ANKRD16: variants seen among roughly 807,000 people sequenced by gnomAD.
The protein encoded by ANKRD16 is ankyrin repeat domain 16, also known as ankyrin repeat domain-containing protein 16.
A neutral mutation model predicts 37.9 loss-of-function variants in ANKRD16; 35 were observed. The observed-to-expected ratio is 0.92, with a 90% confidence interval of 0.71 to 1.23. The LOEUF is 1.23. Among genes scored for constraint, ANKRD16 ranks in the 50% most tolerant of loss-of-function variants. ANKRD16 has a pLI of 0.00. For synonymous variants in ANKRD16, 206 were observed against 197.2 expected, an observed-to-expected ratio of 1.04 and a Z score of -0.37; for missense variants, 480 against 469.9, an observed-to-expected ratio of 1.02 and a Z score of -0.20.
At chr10:5,884,197 C>A (rs1842374022) in intron 3 of ANKRD16, 120 bp from the exon 4 acceptor site, 2 of 698,646 alleles carry the variant, frequency 2.9e-6, no homozygotes, top group African/African-American at 1.8e-5. Context: ...GAGCATGGAG[C>A]TCTCTCTATT....
Position 5,878,014 on chromosome 10 carries a change from G to A in ANKRD16, c.*33+83C>T, listed in dbSNP as rs1434259534. ...GTGGAACATGCAGGATGAGGGAAGG[G>A]AGGAAGTGGAGGAGATGGAAAACTG... On this transcript the variant is annotated intron_variant, in intron 7 of 7. Coordinates refer to ENST00000380094, the MANE Select transcript of ANKRD16 (RefSeq NM_019046.3). The surrounding 1 kb of genome is among the most constrained non-coding windows in gnomAD (Gnocchi z 5.1). 9.3e-6 allele frequency: 13 copies of A among 1,403,542 alleles called. No homozygotes were observed. Among genetic ancestry groups the A allele is most frequent in the Non-Finnish European group, 1.3e-5 (13 of 1,028,340 alleles). 86.9% of individuals were successfully genotyped at this position (1,403,542 alleles called of 1,614,324 possible).
At chr10:5,872,817 A>G (rs974186091) in intron 7 of ANKRD16, among the ~76,000 whole-genome samples, 6 of 151,368 alleles carry the variant, frequency 4.0e-5, no homozygotes, top group South Asian at 4.2e-4. Flanking sequence ...TGGCCTCCCA[A>G]AGTGCTGGCA....
At position 5,862,504 on chromosome 10, in the gene ANKRD16, C is replaced by G; in HGVS notation, c.*221G>C. On this transcript the variant is annotated 3_prime_UTR_variant, in exon 8 of 8. Transcript: ENST00000380094. This position sits in a 1 kb window ranked among gnomAD's most constrained non-coding sequence, Gnocchi z 6.5. Reference sequence around the variant, plus strand: ...TTTGGAGACAGACCCAGGGAGCTGACCTTGGGGGCCAGTGCAGATGTGGCA... The same window carrying G: ...TTTGGAGACAGACCCAGGGAGCTGAGCTTGGGGGCCAGTGCAGATGTGGCA... The G allele has an allele frequency of 1.1e-6, 1 of 873,500 alleles. No homozygotes were observed. The highest frequency in any genetic ancestry group is 1.6e-6 in the Non-Finnish European group (1 of 618,342). The allele number at this position is 873,500 out of a possible 1,614,324, so 54.1% of individuals were successfully genotyped here.
rs142550140 is a variant in ANKRD16 at position 5,871,303 on chromosome 10, C to T, written c.*33+6794G>A. On this transcript the variant is annotated intron_variant, in intron 7 of 7. Coordinates refer to ENST00000380094, the MANE Select transcript of ANKRD16 (RefSeq NM_019046.3). The surrounding 1 kb of genome is among the most constrained non-coding windows in gnomAD (Gnocchi z 4.5). ...TCAGGAGGCTGAGGCAGGAGAATCG[C>T]TTGAACCCGGGAGGCAGAGGTTGCT... Among the ~76,000 whole-genome samples, 1,222 of 152,216 alleles carry T rather than the reference C, an allele frequency of 8.0e-3. 7 individuals carry two copies. Among genetic ancestry groups the T allele is most frequent in the African/African-American group, 0.027 (1,101 of 41,510 alleles).
At chr10:5,888,989 TACG>T in intron 1 of ANKRD16, 49 bp downstream of exon 1, 1 of 1,465,436 alleles carries the variant, frequency 6.8e-7, no homozygotes, top group Non-Finnish European at 9.0e-7. Context: ...GGGAACTCGC[TACG>T]ACTCTGCGAG....
chr10:5,886,518 G>A (rs1842425788), intron 2 of ANKRD16, among the ~76,000 whole-genome samples: 1 of 152,154 alleles, frequency 6.6e-6, no homozygotes, highest in Admixed American at 6.6e-5. Context: ...TTGAACCTGC[G>A]AGGCAGAGGT....
rs1356464260 is a variant in ANKRD16, at chr10:5,861,718, A to T, written c.*1007T>A. 1 of 151,534 alleles carries T rather than the reference A, an allele frequency of 6.6e-6. No individual in the cohort carries two copies. The highest frequency in any genetic ancestry group is 1.5e-5 in the Non-Finnish European group (1 of 67,976). 9.4% of individuals were successfully genotyped at this position (151,534 alleles called of 1,614,324 possible). Reference sequence around the variant, plus strand: ...ACATTTATTATTTACTACACATCAGACACGGTGTTAAGTGGCTTAGATGAA... The same window carrying T: ...ACATTTATTATTTACTACACATCAGTCACGGTGTTAAGTGGCTTAGATGAA... On this transcript the variant is annotated 3_prime_UTR_variant, in exon 8 of 8. Transcript: ENST00000380094.
Position 5,888,065 on chromosome 10 carries a change from GTCC to G in ANKRD16, c.315-1_316del. ...CCTTGTGCAGGCCATCATCAGAGGA[GTCC>G]TAAGGCCAACCAGGAGAAGCTGTCA... On this transcript the variant is annotated splice_acceptor_variant and coding_sequence_variant, in exon 2 of 8. Transcript: ENST00000380094. LOFTEE classifies it high-confidence loss of function. 1 of 1,613,608 alleles carries G rather than the reference GTCC, an allele frequency of 6.2e-7. No homozygotes were observed. Among genetic ancestry groups the G allele is most frequent in the Non-Finnish European group, 8.5e-7 (1 of 1,179,582 alleles).
intron 7 of ANKRD16, among the ~76,000 whole-genome samples, chr10:5,867,513 G>C (rs1320326783): frequency 6.6e-6 from 1 of 152,186 alleles, no homozygotes; most frequent in South Asian, 2.1e-4. Context: ...TGGACTGAAC[G>C]AGGTTTTATT....
chr10:5,873,330 C>T (rs1206272450), intron 7 of ANKRD16, among the ~76,000 whole-genome samples: 2 of 152,060 alleles, frequency 1.3e-5, no homozygotes, highest in African/African-American at 4.8e-5. Flanking sequence ...GTCCCCAGCA[C>T]GCCTGGACAA....
At chr10:5,888,501 A>G (rs1189615391) in intron 1 of ANKRD16, among the ~76,000 whole-genome samples, 2 of 152,236 alleles carry the variant, frequency 1.3e-5, no homozygotes, top group Non-Finnish European at 2.9e-5. Flanking sequence ...ATCAGTGTCA[A>G]TCTAACAAAC....
rs1243563256 is a variant in ANKRD16, at chr10:5,871,075, G to A, written c.*33+7022C>T. Among the ~76,000 whole-genome samples the A allele has an allele frequency of 6.6e-6, 1 of 152,148 alleles. No homozygotes were observed. Among genetic ancestry groups the A allele is most frequent in the Non-Finnish European group, 1.5e-5 (1 of 68,018 alleles). On this transcript the variant is annotated intron_variant, in intron 7 of 7. Transcript: ENST00000380094. This position sits in a 1 kb window ranked among gnomAD's most constrained non-coding sequence, Gnocchi z 4.5. Reference sequence around the variant, plus strand: ...AGAGGCCAGCCCTCACTCCCATCTTGTTTCCTTCTCAGTAAAAATCATGTC... The same window carrying A: ...AGAGGCCAGCCCTCACTCCCATCTTATTTCCTTCTCAGTAAAAATCATGTC...
rs368134353 is a variant in ANKRD16, at chr10:5,889,074, C to T, written c.281G>A (p.Gly94Glu). 6 of 1,564,568 alleles carry T rather than the reference C, an allele frequency of 3.8e-6. No homozygotes were observed. The highest frequency in any genetic ancestry group is 3.7e-5 in the Admixed American group (2 of 53,512). Reference protein sequence around the residue: ...RDCVRYLLGRGAAVDCLKKAD... With the variant: ...RDCVRYLLGREAAVDCLKKAD... ...CTTCTTCAGGCAGTCGACCGCTGCCCCCCGGCCCAGCAGGTAGCGCACGCA... is the reference window on the plus strand; with the variant it reads ...CTTCTTCAGGCAGTCGACCGCTGCCTCCCGGCCCAGCAGGTAGCGCACGCA... The change falls in exon 1 of 8, where the codon GGG becomes GAG. Residue 94 changes from glycine (G) to glutamate (E), a missense_variant. Transcript: ENST00000380094.
Position 5,885,753 on chromosome 10 carries a change from T to C in ANKRD16, c.548A>G (p.His183Arg), listed in dbSNP as rs1172893151. 1.2e-6 allele frequency: 2 copies of C among 1,604,886 alleles called. No homozygotes were observed. Among genetic ancestry groups the C allele is most frequent in the South Asian group, 1.1e-5 (1 of 88,394 alleles). Residue 183 changes from histidine (H) to arginine (R), a missense_variant, in exon 3 of 8, where the codon CAT (histidine) becomes CGT (arginine). Coordinates refer to ENST00000380094, the MANE Select transcript of ANKRD16 (RefSeq NM_019046.3). ...TPLHTAAMHG[H>R]LEAVKVLLKR... ...AAGAAGCACCTTGACTGCCTCCAAATGGCCATGCATTGCTGGGAGGAGAAA... is the reference window on the plus strand; with the variant it reads ...AAGAAGCACCTTGACTGCCTCCAAACGGCCATGCATTGCTGGGAGGAGAAA...
At chr10:5,877,960 C>T in intron 7 of ANKRD16, 137 bp downstream of exon 7, 2 of 908,940 alleles carry the variant, frequency 2.2e-6, no homozygotes, top group East Asian at 2.6e-5. Context: ...GAACTCAGCC[C>T]CCTGATCACT....
Position 5,889,272 on chromosome 10 carries a change from G to T in ANKRD16, c.83C>A (p.Ala28Glu). 1 of 1,453,376 alleles carries T rather than the reference G, an allele frequency of 6.9e-7. No individual in the cohort carries two copies. Among genetic ancestry groups the T allele is most frequent in the Non-Finnish European group, 9.0e-7 (1 of 1,110,298 alleles). The allele number at this position is 1,453,376 out of a possible 1,614,324, so 90.0% of individuals were successfully genotyped here. Residue 28 changes from alanine (A) to glutamate (E), a missense_variant, in exon 1 of 8, where the codon GCG becomes GAG. Ala to Glu is a moderately radical substitution (Grantham distance 107, BLOSUM62 -1). Transcript: ENST00000380094. The part of the protein sequence containing the change: ...RLRALKEELQ[A>E]AGGCPGPAGD... ...GGCCGGCCCCGGGCAGCCCCCGGCC[G>T]CCTGCAGCTCCTCCTTCAGGGCGCG...
At position 5,863,665 on chromosome 10, in the gene ANKRD16, A is replaced by G. The variant is rs1203771500; in HGVS notation, c.*34-974T>C. 1.3e-5 allele frequency among the ~76,000 whole-genome samples: 2 copies of G among 151,974 alleles called. No homozygotes were observed. Among genetic ancestry groups the G allele is most frequent in the African/African-American group, 4.8e-5 (2 of 41,318 alleles). On this transcript the variant is annotated intron_variant, in intron 7 of 7. Coordinates refer to ENST00000380094, the MANE Select transcript of ANKRD16 (RefSeq NM_019046.3). This position sits in a 1 kb window ranked among gnomAD's most constrained non-coding sequence, Gnocchi z 4.7. ...TTTGTTCTTTTGTTCTTCATAATAA[A>G]TCTTGCTGCTGCTCATTCTTTGGGT...
chr10:5,889,444 C>T lies in ANKRD16; in HGVS notation c.-90G>A, dbSNP rs1356460495. On this transcript the variant is annotated 5_prime_UTR_variant, in exon 1 of 8. Coordinates refer to ENST00000380094, the MANE Select transcript of ANKRD16 (RefSeq NM_019046.3). Reference sequence around the variant, plus strand: ...GAAGCCGAGGGCGAGTGGGACTTTCCGCCTCTTCACGCAACCTGCCCCGCG... The same window carrying T: ...GAAGCCGAGGGCGAGTGGGACTTTCTGCCTCTTCACGCAACCTGCCCCGCG... 2 of 937,292 alleles carry T rather than the reference C, an allele frequency of 2.1e-6. No individual in the cohort carries two copies. Among genetic ancestry groups the T allele is most frequent in the South Asian group, 1.1e-4 (2 of 18,986 alleles). The allele number at this position is 937,292 out of a possible 1,614,324, so 58.1% of individuals were successfully genotyped here. A position where few individuals can be genotyped will look rare whatever the true frequency, so the allele number is the denominator to read the frequency against.
chr10:5,888,918 G>A (rs948836999), intron 1 of ANKRD16, 123 bp downstream of exon 1: 24 of 1,120,798 alleles, frequency 2.1e-5, no homozygotes, highest in Non-Finnish European at 2.7e-5. Context: ...CGCTGAGCAG[G>A]CCTGGGGTGA....
Sources: allele counts gnomAD v4.1 joint callset (sites outside exome capture counted in the v4.1 genomes callset), GRCh38; gene constraint gnomAD v4.1.1; non-coding constraint Gnocchi (gnomAD v3.1); transcripts MANE v1.5; gene names NCBI Gene and HGNC (gene_info 2026-07-23, HGNC 2026-07-21).